USP44: variants seen among roughly 807,000 people sequenced by gnomAD.
The protein encoded by USP44 is ubiquitin specific peptidase 44.
USP44 carries 61 observed loss-of-function variants against 69.0 expected under a neutral mutation model. The ratio of observed to expected loss-of-function variants is 0.88; its 90% CI spans 0.72 to 1.09. The LOEUF (loss-of-function observed/expected upper bound fraction) is 1.09. Among genes scored for constraint, USP44 ranks in the 50% least tolerant of loss-of-function variants. The pLI, the probability that USP44 is intolerant of heterozygous loss-of-function variation, is 0.00. For synonymous variants in USP44, 297 were observed against 295.4 expected (o/e 1.01, Z -0.06); for missense variants, 753 against 849.9 (o/e 0.89, Z 1.42).
intron 4 of USP44, among the ~76,000 whole-genome samples, chr12:95,523,067 A>G (rs188523): frequency 0.22 from 32,861 of 152,028 alleles, 4,359 homozygotes; most frequent in African/African-American, 0.36. Flanking sequence ...CCCAGAGGGC[A>G]GCACCCCCAG....
chr12:95,519,341 C>G (rs1362134714), intron 5 of USP44, among the ~76,000 whole-genome samples: 1 of 151,732 alleles, frequency 6.6e-6, no homozygotes, highest in African/African-American at 2.4e-5. Context: ...GGGTCCCATC[C>G]TTACAATACC....
At chr12:95,538,656 T>C (rs2077283585) in intron 1 of USP44, among the ~76,000 whole-genome samples, 1 of 152,184 alleles carries the variant, frequency 6.6e-6, no homozygotes, top group Non-Finnish European at 1.5e-5. Flanking sequence ...TTACCCTGTC[T>C]ACTTATGAAA....
In USP44 at chr12:95,533,005, C is replaced by T. The variant is rs748595802; in HGVS notation, c.1252G>A (p.Gly418Ser). ...SVWRLIPAFR[G>S]YAQQDAQEFL... ...TCCTGAGCGTCTTGTTGGGCGTAACCACGAAAGGCAGGAATGAGTCTCCAC... is the reference window on the plus strand; with the variant it reads ...TCCTGAGCGTCTTGTTGGGCGTAACTACGAAAGGCAGGAATGAGTCTCCAC... Residue 418 changes from glycine (G) to serine (S), a missense_variant, in exon 2 of 6, where the codon GGT (glycine) becomes AGT (serine). By Grantham distance (56) the Gly-to-Ser change is moderately conservative. Coordinates refer to ENST00000258499, the MANE Select transcript of USP44 (RefSeq NM_032147.5). 1 of 1,614,108 alleles carries T rather than the reference C, an allele frequency of 6.2e-7. No homozygotes were observed. The highest frequency in any genetic ancestry group is 1.6e-4 in the Middle Eastern group (1 of 6,062).
intron 1 of USP44, among the ~76,000 whole-genome samples, chr12:95,539,868 A>C (rs1297728877): frequency 6.6e-6 from 1 of 152,248 alleles, no homozygotes; most frequent in Admixed American, 6.5e-5. Context: ...ATTTTTAATC[A>C]ACCGTTTATA....
chr12:95,538,699 G>A (rs1309491258), intron 1 of USP44, among the ~76,000 whole-genome samples: 2 of 152,160 alleles, frequency 1.3e-5, no homozygotes, highest in Admixed American at 6.5e-5. Flanking sequence ...CAGAGGCAAG[G>A]GCACCGTGGA....
chr12:95,525,137 T>C (rs1438230593), intron 3 of USP44, among the ~76,000 whole-genome samples: 1 of 152,250 alleles, frequency 6.6e-6, no homozygotes, highest in Non-Finnish European at 1.5e-5. Flanking sequence ...AGTGGCACAA[T>C]CTCGGCTCAC....
chr12:95,529,371 G>A (rs941702177), intron 2 of USP44, among the ~76,000 whole-genome samples: 3 of 151,396 alleles, frequency 2.0e-5, no homozygotes, highest in Admixed American at 1.3e-4. Flanking sequence ...ACATTCACAT[G>A]CATTAAGTTT....
chr12:95,536,650 A>G (rs573878470), intron 1 of USP44, among the ~76,000 whole-genome samples: 2 of 152,268 alleles, frequency 1.3e-5, no homozygotes, highest in South Asian at 4.1e-4. Context: ...TACTGCCACC[A>G]GCCTGATCCA....
intron 2 of USP44, 21 bp from the exon 3 acceptor site, chr12:95,529,023 T>A (rs1260319473): frequency 1.3e-6 from 2 of 1,579,276 alleles, no homozygotes; most frequent in Non-Finnish European, 8.6e-7. Context: ...GAATATGAGT[T>A]CCTAAGATTA....
chr12:95,538,883 C>A (rs2077291777), intron 1 of USP44, among the ~76,000 whole-genome samples: 1 of 152,244 alleles, frequency 6.6e-6, no homozygotes, highest in South Asian at 2.1e-4. Context: ...GGGTTCAGAG[C>A]ACCTCTTTTC....
intron 1 of USP44, among the ~76,000 whole-genome samples, chr12:95,536,032 T>G (rs1299332377): frequency 7.9e-6 from 1 of 126,392 alleles, no homozygotes; most frequent in Admixed American, 7.4e-5. Flanking sequence ...TTCTTTCCTT[T>G]TTTTTCCTTT....
At chr12:95,527,565 A>T (rs1434848839) in intron 3 of USP44, among the ~76,000 whole-genome samples, 2 of 151,650 alleles carry the variant, frequency 1.3e-5, no homozygotes, top group Non-Finnish European at 2.9e-5. Context: ...GCTCACTGCA[A>T]CCTCCGCCTC....
intron 1 of USP44, among the ~76,000 whole-genome samples, chr12:95,549,677 G>A (rs2077687514): frequency 6.6e-6 from 1 of 152,136 alleles, no homozygotes; most frequent in African/African-American, 2.4e-5. Context: ...ATACATCAAT[G>A]CAGTGCAAAA....
At chr12:95,547,560 G>T (rs1328045349) in intron 1 of USP44, among the ~76,000 whole-genome samples, 1 of 152,056 alleles carries the variant, frequency 6.6e-6, no homozygotes. Context: ...TTGGCTTTCC[G>T]CATTTCACCA....
intron 1 of USP44, among the ~76,000 whole-genome samples, chr12:95,545,390 A>G (rs996697695): frequency 1.3e-5 from 2 of 152,198 alleles, no homozygotes; most frequent in African/African-American, 4.8e-5. Flanking sequence ...TTCTTTAAAC[A>G]GTAACAAACC....
At chr12:95,541,549 C>T (rs1038399878) in intron 1 of USP44, among the ~76,000 whole-genome samples, 1 of 151,998 alleles carries the variant, frequency 6.6e-6, no homozygotes, top group African/African-American at 2.4e-5. Context: ...CACTGTACTG[C>T]AGCCTCAGCA....
rs2077669594 is a variant in USP44 at position 95,548,915 on chromosome 12, G to C, written c.-71+2357C>G. 6.6e-6 allele frequency: 1 copy of C among 152,110 alleles called. No homozygotes were observed. The highest frequency in any genetic ancestry group is 2.4e-5 in the African/African-American group (1 of 41,434). 9.4% of individuals were successfully genotyped at this position (152,110 alleles called of 1,614,324 possible). On this transcript the variant is annotated intron_variant, in intron 1 of 5. Coordinates refer to ENST00000258499, the MANE Select transcript of USP44 (RefSeq NM_032147.5). The surrounding 1 kb of genome is among the most constrained non-coding windows in gnomAD (Gnocchi z 4.1). ...CTCCCACAGCCCCACCCCTGCGCCG[G>C]CTCTTCGCGGGCACCGAGAACCTGC...
At chr12:95,540,027 G>C (rs2077337617) in intron 1 of USP44, among the ~76,000 whole-genome samples, 1 of 152,156 alleles carries the variant, frequency 6.6e-6, no homozygotes, top group South Asian at 2.1e-4. Context: ...ACAACCCACA[G>C]TTTCGCATGT....
intron 3 of USP44, among the ~76,000 whole-genome samples, chr12:95,525,321 C>T (rs550711952): frequency 6.6e-5 from 10 of 152,262 alleles, no homozygotes; most frequent in South Asian, 2.1e-4. Flanking sequence ...CCACCTGCCT[C>T]GTCCTCCTAA....
Sources: gnomAD v4.1 joint callset for allele counts (sites outside exome capture counted in the v4.1 genomes callset) on GRCh38, gnomAD v4.1.1 for gene constraint, Gnocchi (gnomAD v3.1) non-coding constraint, MANE v1.5 for transcripts, NCBI Gene and HGNC (gene_info 2026-07-23, HGNC 2026-07-21) for gene names.